Variants in TMEM8B observed in about 807,000 individuals in gnomAD.
TMEM8B encodes nasopharyngeal carcinoma expressed 6.
Under a neutral mutation model 49.3 loss-of-function variants are expected in TMEM8B, and 29 were observed. The ratio of observed to expected loss-of-function variants is 0.59; its 90% CI spans 0.44 to 0.80. TMEM8B has a LOEUF of 0.80. Among genes scored for constraint, TMEM8B ranks in the 30% least tolerant of loss-of-function variants. The pLI is 0.00. For missense variants in TMEM8B, 575 were observed against 658.5 expected (o/e 0.87, Z 1.39); for synonymous variants, 264 against 272.8 (o/e 0.97, Z 0.32).
chr9:35,845,722 T>C (rs908701839), intron 6 of TMEM8B: 3 of 985,346 alleles, frequency 3.0e-6, no homozygotes, highest in Non-Finnish European at 3.6e-6. Flanking sequence ...GAAACACTTC[T>C]GCCCAAAGAA....
intron 6 of TMEM8B, 160 bp from the exon 7 acceptor site, chr9:35,845,810 TTTCTG>T (rs1414612815): frequency 4.1e-6 from 4 of 985,428 alleles, no homozygotes; most frequent in Non-Finnish European, 4.8e-6. Context: ...TTTTTCAGTT[TTTCTG>T]TTCTGAGAAT....
chr9:35,855,326 C>T lies in TMEM8B; in HGVS notation c.*1486C>T, dbSNP rs1205562455. On this transcript the variant is annotated 3_prime_UTR_variant, in exon 13 of 13. Transcript: ENST00000643932. The stretch of plus-strand genomic sequence containing the variant: ...TGTCAGTATTCTCACTACATCCTCT[C>T]CTCCTCTCTCTTCTTTCCCCCTTTC... 1 of 152,196 alleles carries T rather than the reference C, an allele frequency of 6.6e-6. No homozygotes were observed. The highest frequency in any genetic ancestry group is 1.5e-5 in the Non-Finnish European group (1 of 68,060). The allele number at this position is 152,196 out of a possible 1,614,324, so 9.4% of individuals were successfully genotyped here.
chr9:35,850,116 A>G lies in TMEM8B; in HGVS notation c.2176-2711A>G, dbSNP rs550070327. 4.6e-5 allele frequency among the ~76,000 whole-genome samples: 7 copies of G among 152,362 alleles called. No individual in the cohort carries two copies. In the East Asian group the frequency reaches 1.3e-3, roughly 29 times the overall value. ...GAAAGCAGAAAACAGGAAATAAGGG[A>G]GTAACAGCAAGTTCCATTATATTCC... On this transcript the variant is annotated intron_variant, in intron 10 of 12. Transcript: ENST00000643932.
chr9:35,835,673 A>T (rs1830380211), intron 3 of TMEM8B, among the ~76,000 whole-genome samples: 1 of 152,216 alleles, frequency 6.6e-6, no homozygotes, highest in South Asian at 2.1e-4. Context: ...GGGAGAATGT[A>T]TTCCTCTTGC....
Position 35,829,674 on chromosome 9 carries a change from G to A in TMEM8B, c.227G>A (p.Cys76Tyr). ...AQALSQPHSQ[C>Y]LLKALAQPRP... Reference sequence around the variant, plus strand: ...GCCCTGTCCCAGCCCCATTCCCAGTGTTTGCTTAAGGCCCTGGCTCAACCC... The same window carrying A: ...GCCCTGTCCCAGCCCCATTCCCAGTATTTGCTTAAGGCCCTGGCTCAACCC... Residue 76 changes from cysteine to tyrosine, a missense_variant, in exon 1 of 13, where the codon TGT becomes TAT. Physicochemically the swap from Cys to Tyr is radical, Grantham distance 194. Coordinates refer to ENST00000643932, the MANE Select transcript of TMEM8B (RefSeq NM_001042590.4). 1 of 401,856 alleles carries A rather than the reference G, an allele frequency of 2.5e-6. No homozygotes were observed. The highest frequency in any genetic ancestry group is 4.4e-6 in the Non-Finnish European group (1 of 226,738). The allele number at this position is 401,856 out of a possible 1,614,324, so 24.9% of individuals were successfully genotyped here.
intron 6 of TMEM8B, among the ~76,000 whole-genome samples, chr9:35,843,296 G>C (rs763750467): frequency 2.6e-5 from 4 of 152,008 alleles, no homozygotes; most frequent in Non-Finnish European, 5.9e-5. Flanking sequence ...ACTCTCTCAC[G>C]TTTTCCCCTA....
rs1394118040 is a variant in TMEM8B, at chr9:35,862,802, A to G, written c.*8962A>G. ...ACAACAAGATGGTCACACAGCTATT[A>G]GTGGAGGTTAAGTTCATTCTGCCTT... is the stretch of plus-strand genomic sequence containing the variant. On this transcript the variant is annotated 3_prime_UTR_variant, in exon 13 of 13. Coordinates refer to ENST00000643932, the MANE Select transcript of TMEM8B (RefSeq NM_001042590.4). 6.6e-6 allele frequency: 1 copy of G among 152,216 alleles called. No homozygotes were observed. Among genetic ancestry groups the G allele is most frequent in the Admixed American group, 6.5e-5 (1 of 15,286 alleles). The allele number at this position is 152,216 out of a possible 1,614,324, so 9.4% of individuals were successfully genotyped here.
At chr9:35,851,190 A>G (rs997903406) in intron 10 of TMEM8B, among the ~76,000 whole-genome samples, 5 of 152,160 alleles carry the variant, frequency 3.3e-5, no homozygotes, top group African/African-American at 1.2e-4. Context: ...AGCTCAGTGC[A>G]GTCTTGACCT....
rs1055099152 is a variant in TMEM8B, at chr9:35,856,206, G to C, written c.*2366G>C. ...CCCTGAGATTTTCATCACTCCCTGTGGTCTTCAGTCAGTAAAGCTCTTAGA... is the reference window on the plus strand; with the variant it reads ...CCCTGAGATTTTCATCACTCCCTGTCGTCTTCAGTCAGTAAAGCTCTTAGA... On this transcript the variant is annotated 3_prime_UTR_variant, in exon 13 of 13. Transcript: ENST00000643932. 4 of 152,242 alleles carry C rather than the reference G, an allele frequency of 2.6e-5. No individual in the cohort carries two copies. Among genetic ancestry groups the C allele is most frequent in the Non-Finnish European group, 5.9e-5 (4 of 68,066 alleles). 9.4% of individuals were successfully genotyped at this position (152,242 alleles called of 1,614,324 possible). A position where few individuals can be genotyped will look rare whatever the true frequency, so the allele number is the denominator to read the frequency against.
intron 1 of TMEM8B, 53 bp downstream of exon 1, chr9:35,830,008 GGGTGGGCTGGAGAGATTCAGGAGA>G (rs1209682055): frequency 4.8e-6 from 2 of 414,386 alleles, no homozygotes; most frequent in East Asian, 7.1e-5. Context: ...CGGCAGGGAG[GGGTGGGCTGGAGAGATTCAGGAGA>G]GGTGGGACCT....
chr9:35,857,269 A>G lies in TMEM8B; in HGVS notation c.*3429A>G, dbSNP rs1189178528. On this transcript the variant is annotated 3_prime_UTR_variant, in exon 13 of 13. Coordinates refer to ENST00000643932, the MANE Select transcript of TMEM8B (RefSeq NM_001042590.4). The stretch of plus-strand genomic sequence containing the variant: ...CCAGACCCGACTGAATCCTGCCCTG[A>G]AGGAGCTCACACGGTGGTGAAGTGT... 6.6e-6 allele frequency: 1 copy of G among 152,278 alleles called. No homozygotes were observed. Among genetic ancestry groups the G allele is most frequent in the African/African-American group, 2.4e-5 (1 of 41,466 alleles). 9.4% of individuals were successfully genotyped at this position (152,278 alleles called of 1,614,324 possible). A position where few individuals can be genotyped will look rare whatever the true frequency, so the allele number is the denominator to read the frequency against.
At chr9:35,839,506 G>A (rs1448828235) in intron 3 of TMEM8B, among the ~76,000 whole-genome samples, 2 of 152,170 alleles carry the variant, frequency 1.3e-5, no homozygotes, top group African/African-American at 2.4e-5. Flanking sequence ...GAAGAGGGGG[G>A]ACTGGCTGTG....
In TMEM8B at chr9:35,861,933, G is replaced by A. The variant is rs1048043236; in HGVS notation, c.*8093G>A. The A allele has an allele frequency of 6.6e-6, 1 of 152,182 alleles. No homozygotes were observed. The highest frequency in any genetic ancestry group is 2.4e-5 in the African/African-American group (1 of 41,424). The allele number at this position is 152,182 out of a possible 1,614,324, so 9.4% of individuals were successfully genotyped here. A position where few individuals can be genotyped will look rare whatever the true frequency, so the allele number is the denominator to read the frequency against. ...GATTTCCTTCCTCTACCCTGAATCA[G>A]GGTGATTCTTAAAGGACAGTTTCAG... is the stretch of plus-strand genomic sequence containing the variant. On this transcript the variant is annotated 3_prime_UTR_variant, in exon 13 of 13. Coordinates refer to ENST00000643932, the MANE Select transcript of TMEM8B (RefSeq NM_001042590.4).
chr9:35,833,689 A>G (rs1830143648), intron 1 of TMEM8B, among the ~76,000 whole-genome samples: 2 of 152,020 alleles, frequency 1.3e-5, no homozygotes, highest in Non-Finnish European at 2.9e-5. Context: ...CTTTGGGGGA[A>G]CATTCCCCCG....
At position 35,859,687 on chromosome 9, in the gene TMEM8B, G is replaced by A; in HGVS notation, c.*5847G>A. On this transcript the variant is annotated 3_prime_UTR_variant, in exon 13 of 13. Coordinates refer to ENST00000643932, the MANE Select transcript of TMEM8B (RefSeq NM_001042590.4). ...CCCAGCGCCAGGGTCAGGTACATCT[G>A]CAGGGCACAGCCAGGGAAGGAAATG... The A allele has an allele frequency of 6.3e-6, 1 of 158,288 alleles. No homozygotes were observed. Among genetic ancestry groups the A allele is most frequent in the Non-Finnish European group, 1.5e-5 (1 of 68,940 alleles). The allele number at this position is 158,288 out of a possible 1,614,324, so 9.8% of individuals were successfully genotyped here.
In TMEM8B at chr9:35,856,620, A is replaced by G. The variant is rs1832554572; in HGVS notation, c.*2780A>G. On this transcript the variant is annotated 3_prime_UTR_variant, in exon 13 of 13. Transcript: ENST00000643932. ...AAGTGCAGTGACCACAGCTATTGGAACATTTGAAAGAGAAATGGTGAAGCC... is the reference window on the plus strand; with the variant it reads ...AAGTGCAGTGACCACAGCTATTGGAGCATTTGAAAGAGAAATGGTGAAGCC... The G allele has an allele frequency of 6.6e-6, 1 of 152,202 alleles. No homozygotes were observed. Among genetic ancestry groups the G allele is most frequent in the Non-Finnish European group, 1.5e-5 (1 of 68,066 alleles). 9.4% of individuals were successfully genotyped at this position (152,202 alleles called of 1,614,324 possible). A position where few individuals can be genotyped will look rare whatever the true frequency, so the allele number is the denominator to read the frequency against.
At chr9:35,835,963 T>C (rs1830409002) in intron 3 of TMEM8B, among the ~76,000 whole-genome samples, 1 of 152,220 alleles carries the variant, frequency 6.6e-6, no homozygotes, top group Admixed American at 6.5e-5. Context: ...TCCTGTTCAC[T>C]GGAGGAGAAG....
intron 6 of TMEM8B, chr9:35,845,593 G>T: frequency 1.0e-6 from 1 of 985,436 alleles, no homozygotes; most frequent in Admixed American, 6.1e-5. Flanking sequence ...AAGATGATGG[G>T]AAACCTTACA....
At position 35,841,048 on chromosome 9, in the gene TMEM8B, C is replaced by T. The variant is rs927604205; in HGVS notation, c.907-86C>T. 2 of 412,556 alleles carry T rather than the reference C, an allele frequency of 4.8e-6. No individual in the cohort carries two copies. The highest frequency in any genetic ancestry group is 8.8e-5 in the Admixed American group (2 of 22,736). 25.6% of individuals were successfully genotyped at this position (412,556 alleles called of 1,614,324 possible). A position where few individuals can be genotyped will look rare whatever the true frequency, so the allele number is the denominator to read the frequency against. Reference sequence around the variant, plus strand: ...GGTGGCCGGGGCGGGGGTTTCTCCCCAGCCCGCCCAGCAGGTTCTGTTTGC... The same window carrying T: ...GGTGGCCGGGGCGGGGGTTTCTCCCTAGCCCGCCCAGCAGGTTCTGTTTGC... On this transcript the variant is annotated intron_variant, in intron 3 of 12. Coordinates refer to ENST00000643932, the MANE Select transcript of TMEM8B (RefSeq NM_001042590.4). The surrounding 1 kb of genome is among the most constrained non-coding windows in gnomAD (Gnocchi z 5.9).
Sources: gnomAD v4.1 joint callset for allele counts (sites outside exome capture counted in the v4.1 genomes callset) on GRCh38, gnomAD v4.1.1 for gene constraint, Gnocchi (gnomAD v3.1) non-coding constraint, MANE v1.5 for transcripts, NCBI Gene and HGNC (gene_info 2026-07-23, HGNC 2026-07-21) for gene names.